The following CADPS variants were observed in gnomAD, a reference collection of about 807,000 sequenced individuals.
The protein encoded by CADPS is calcium-dependent secretion activator 1.
A neutral mutation model predicts 167.3 loss-of-function variants in CADPS; 57 were observed. The observed-to-expected ratio is 0.34, with a 90% confidence interval of 0.28 to 0.42. The LOEUF is 0.42. Ranked by LOEUF, CADPS falls within the 20% of genes least tolerant of loss-of-function variation. The pLI is 1.00. For synonymous variants in CADPS, 676 were observed against 635.3 expected (o/e 1.06, Z -0.96); for missense variants, 1,414 against 1,738.1 (o/e 0.81, Z 3.32).
chr3:62,572,161 T>G (rs191795647), intron 8 of CADPS, among the ~76,000 whole-genome samples: 19 of 152,320 alleles, frequency 1.2e-4, no homozygotes, highest in Admixed American at 1.2e-3. Context: ...AAATTTTTCC[T>G]GCCTGACAAA....
chr3:62,682,814 AAT>A (rs1282729018), intron 3 of CADPS, among the ~76,000 whole-genome samples: 1 of 152,090 alleles, frequency 6.6e-6, no homozygotes, highest in Non-Finnish European at 1.5e-5. Context: ...TGGAACTGAT[AAT>A]CTAGGGAGGA....
chr3:62,827,822 T>C lies in CADPS; in HGVS notation c.441+46767A>G, dbSNP rs138632637. Reference sequence around the variant, plus strand: ...TCACAATTTGTTGTAAAGAGCTTTGTCTCTCTTTGCCACTTAGTGTAATCA... The same window carrying C: ...TCACAATTTGTTGTAAAGAGCTTTGCCTCTCTTTGCCACTTAGTGTAATCA... On this transcript the variant is annotated intron_variant, in intron 1 of 29. Transcript: ENST00000383710. 3.6e-4 allele frequency among the ~76,000 whole-genome samples: 55 copies of C among 152,286 alleles called. 1 individual carries two copies. The highest frequency in any genetic ancestry group is 1.3e-3 in the African/African-American group (53 of 41,558).
chr3:62,441,412 T>C (rs1467437163), intron 27 of CADPS, among the ~76,000 whole-genome samples: 2 of 152,158 alleles, frequency 1.3e-5, no homozygotes, highest in Non-Finnish European at 2.9e-5. Context: ...TTGAGAAAAA[T>C]GAGCTCAAAC....
At chr3:62,762,612 T>C (rs1209896885) in intron 2 of CADPS, among the ~76,000 whole-genome samples, 1 of 140,952 alleles carries the variant, frequency 7.1e-6, no homozygotes, top group Non-Finnish European at 1.5e-5. Flanking sequence ...GCTGTGATTA[T>C]ATGACTGCAC....
rs775993860 is a variant in CADPS, at chr3:62,478,345, T to C, written c.3245A>G (p.His1082Arg). The change falls in exon 23 of 30, where the codon CAC becomes CGC. Residue 1082 changes from histidine to arginine, a missense_variant. His to Arg is a conservative substitution (Grantham distance 29). Coordinates refer to ENST00000383710, the MANE Select transcript of CADPS (RefSeq NM_003716.4). The surrounding 1 kb of genome is among the most constrained non-coding windows in gnomAD (Gnocchi z 5.7). ...DALQTFIRDLHWPEEEFGKHL... is the reference protein window; with the variant it reads ...DALQTFIRDLRWPEEEFGKHL... Reference sequence around the variant, plus strand: ...CTTTCCAAACTCTTCTTCAGGCCAGTGCAGGTCCCGAATGAAGGTCTGAAG... The same window carrying C: ...CTTTCCAAACTCTTCTTCAGGCCAGCGCAGGTCCCGAATGAAGGTCTGAAG... The C allele has an allele frequency of 3.1e-6, 5 of 1,613,856 alleles. No homozygotes were observed. In the Admixed American group the frequency reaches 5.0e-5, roughly 16 times the overall value.
At chr3:62,599,314 A>G (rs1365676744) in intron 6 of CADPS, among the ~76,000 whole-genome samples, 1 of 150,990 alleles carries the variant, frequency 6.6e-6, no homozygotes, top group Non-Finnish European at 1.5e-5. Context: ...TAAACGTTAA[A>G]AATAGCCACC....
At chr3:62,427,526 C>A (rs1236459644) in intron 28 of CADPS, among the ~76,000 whole-genome samples, 1 of 152,138 alleles carries the variant, frequency 6.6e-6, no homozygotes, top group African/African-American at 2.4e-5. Context: ...CTGTGCACTA[C>A]AGGAGGTTCA....
At chr3:62,711,843 C>T (rs147729085) in intron 3 of CADPS, among the ~76,000 whole-genome samples, 2 of 152,246 alleles carry the variant, frequency 1.3e-5, no homozygotes, top group East Asian at 3.9e-4. Context: ...AATTTAGTAT[C>T]CTTCTGTTAC....
chr3:62,473,213 C>G (rs1364475171), intron 24 of CADPS, among the ~76,000 whole-genome samples: 1 of 114,378 alleles, frequency 8.7e-6, no homozygotes, highest in African/African-American at 3.6e-5. Context: ...TAGTCAGGAA[C>G]AGAGTTAACC....
At chr3:62,600,046 G>A (rs977419011) in intron 6 of CADPS, among the ~76,000 whole-genome samples, 7 of 144,152 alleles carry the variant, frequency 4.9e-5, no homozygotes, top group Admixed American at 1.5e-4. Flanking sequence ...GAATAACCAT[G>A]TCACTAAATT....
intron 1 of CADPS, among the ~76,000 whole-genome samples, chr3:62,805,005 A>G (rs1222204104): frequency 1.3e-5 from 2 of 152,158 alleles, no homozygotes; most frequent in Non-Finnish European, 2.9e-5. Flanking sequence ...CAGTACAGGG[A>G]AGGATTTCTC....
rs140134848 is a variant in CADPS, at chr3:62,501,013, G to A, written c.2600-1745C>T. On this transcript the variant is annotated intron_variant, in intron 17 of 29. Coordinates refer to ENST00000383710, the MANE Select transcript of CADPS (RefSeq NM_003716.4). Reference sequence around the variant, plus strand: ...AAAGTCTCAGTCTAACAGGGCCTGAGGGCTAGTGTGAAAATGGGCTTCCTG... The same window carrying A: ...AAAGTCTCAGTCTAACAGGGCCTGAAGGCTAGTGTGAAAATGGGCTTCCTG... 2.0e-5 allele frequency among the ~76,000 whole-genome samples: 3 copies of A among 152,292 alleles called. No homozygotes were observed. In the South Asian group the frequency reaches 6.2e-4, roughly 32 times the overall value.
At chr3:62,854,227 T>G (rs568608451) in intron 1 of CADPS, among the ~76,000 whole-genome samples, 1 of 152,286 alleles carries the variant, frequency 6.6e-6, no homozygotes, top group African/African-American at 2.4e-5. Context: ...AGAATTTGTG[T>G]GGTTGGAATT....
At chr3:62,657,675 A>T (rs183895740) in intron 4 of CADPS, among the ~76,000 whole-genome samples, 14 of 152,300 alleles carry the variant, frequency 9.2e-5, no homozygotes, top group African/African-American at 2.9e-4. Context: ...GTTCACAGTG[A>T]GACCATCTCT....
At chr3:62,468,795 G>A (rs2060238526) in intron 24 of CADPS, among the ~76,000 whole-genome samples, 1 of 152,046 alleles carries the variant, frequency 6.6e-6, no homozygotes, top group Non-Finnish European at 1.5e-5. Context: ...ATAAAACAAA[G>A]TATTTTGATA....
chr3:62,463,023 C>A (rs1049907000), intron 26 of CADPS, among the ~76,000 whole-genome samples: 1 of 152,162 alleles, frequency 6.6e-6, no homozygotes, highest in Non-Finnish European at 1.5e-5. Context: ...AAGTTACGGG[C>A]CCAGCAACAG....
intron 3 of CADPS, among the ~76,000 whole-genome samples, chr3:62,673,183 A>G (rs1484033359): frequency 6.6e-6 from 1 of 152,226 alleles, no homozygotes; most frequent in East Asian, 1.9e-4. Context: ...TAAGGGAGTA[A>G]GAAATATTTG....
chr3:62,617,175 A>G (rs527351997), intron 6 of CADPS, among the ~76,000 whole-genome samples: 4 of 152,294 alleles, frequency 2.6e-5, no homozygotes, highest in Admixed American at 2.6e-4. Flanking sequence ...GAGGAACTAA[A>G]CAGTTTGGTA....
intron 6 of CADPS, among the ~76,000 whole-genome samples, chr3:62,634,007 G>A (rs1448306574): frequency 6.6e-6 from 1 of 152,184 alleles, no homozygotes. Flanking sequence ...TTGACTTGAG[G>A]TTAGTGGGAA....
Sources: allele counts gnomAD v4.1 joint callset (sites outside exome capture counted in the v4.1 genomes callset), GRCh38; gene constraint gnomAD v4.1.1; non-coding constraint Gnocchi (gnomAD v3.1); transcripts MANE v1.5; gene names NCBI Gene and HGNC (gene_info 2026-07-23, HGNC 2026-07-21).